Variants in DPH1 observed in about 807,000 individuals in gnomAD.
DPH1 encodes diphthamide biosynthesis 1.
Under a neutral mutation model 55.3 loss-of-function variants are expected in DPH1, and 59 were observed. That is an observed-to-expected ratio of 1.07 (90% CI 0.87 to 1.33). The LOEUF is 1.33. Among genes scored for constraint, DPH1 ranks in the 40% most tolerant of loss-of-function variants. The pLI is 0.00. For missense variants in DPH1, 628 were observed against 584.8 expected (o/e 1.07, Z -0.76); for synonymous variants, 238 against 235.5 (o/e 1.01, Z -0.10).
Position 2,041,088 on chromosome 17 carries a change from G to A in DPH1, c.1008-15G>A. 6 of 1,591,894 alleles carry A rather than the reference G, an allele frequency of 3.8e-6. No homozygotes were observed. Among genetic ancestry groups the A allele is most frequent in the East Asian group, 2.3e-5 (1 of 44,268 alleles). On this transcript the variant is annotated splice_polypyrimidine_tract_variant and intron_variant, in intron 9 of 12. Coordinates refer to ENST00000263083, the MANE Select transcript of DPH1 (RefSeq NM_001383.6). ...GGAGGCCCTTCCTAGGGTCTGACCTGGCTTCCCTTCCCAGGTGGGTGCAGG... is the reference window on the plus strand; with the variant it reads ...GGAGGCCCTTCCTAGGGTCTGACCTAGCTTCCCTTCCCAGGTGGGTGCAGG...
At position 2,042,673 on chromosome 17, in the gene DPH1, G is replaced by T. The variant is rs886225077; in HGVS notation, c.*87G>T. On this transcript the variant is annotated 3_prime_UTR_variant, in exon 13 of 13. Transcript: ENST00000263083. ...AGAGCAGGAGGCCGACGTTTTCTCC[G>T]CATTGGAAGAGCCCGCCGTCTGCAG... is the stretch of plus-strand genomic sequence containing the variant. The T allele has an allele frequency of 2.0e-6, 3 of 1,525,086 alleles. No homozygotes were observed. Among genetic ancestry groups the T allele is most frequent in the East Asian group, 2.3e-5 (1 of 44,202 alleles). The allele number at this position is 1,525,086 out of a possible 1,614,324, so 94.5% of individuals were successfully genotyped here.
intron 3 of DPH1, among the ~76,000 whole-genome samples, chr17:2,035,248 C>T (rs549340769): frequency 6.6e-6 from 1 of 152,242 alleles, no homozygotes; most frequent in Non-Finnish European, 1.5e-5. Context: ...CCACCCACCC[C>T]CTCCCCCAGT....
rs750527538 is a variant in DPH1, at chr17:2,043,116, ATG to A, written c.*532_*533del. On this transcript the variant is annotated 3_prime_UTR_variant, in exon 13 of 13. Transcript: ENST00000263083. ...AGTTTGCAGAGTGAAAGATCAAGAA[ATG>A]TCTCTGCTCCTACATCCAGCTCCTC... The A allele has an allele frequency of 6.2e-7, 1 of 1,610,476 alleles. No individual in the cohort carries two copies. Among genetic ancestry groups the A allele is most frequent in the Non-Finnish European group, 8.5e-7 (1 of 1,178,282 alleles).
chr17:2,037,127 C>A, intron 6 of DPH1, 171 bp downstream of exon 6: 3 of 971,014 alleles, frequency 3.1e-6, no homozygotes, highest in Non-Finnish European at 4.4e-6. Flanking sequence ...GGTTTACTGT[C>A]GCTTTCTCCA....
intron 11 of DPH1, 58 bp downstream of exon 11, chr17:2,041,679 T>A (rs774520364): frequency 1.8e-5 from 28 of 1,578,250 alleles, no homozygotes; most frequent in African/African-American, 2.7e-5. Context: ...GCCGCCGCCC[T>A]GCGACCGCGA....
rs1358345789 is a variant in DPH1, at chr17:2,043,572, C to G, written c.*986C>G. ...TCGGACAGGCTGCTGCATGGGTGCA[C>G]ATACTCACGTTATTGGTGGAAGTTT... On this transcript the variant is annotated 3_prime_UTR_variant, in exon 13 of 13. Coordinates refer to ENST00000263083, the MANE Select transcript of DPH1 (RefSeq NM_001383.6). The G allele has an allele frequency of 1.3e-5, 2 of 158,956 alleles. No homozygotes were observed. The highest frequency in any genetic ancestry group is 2.8e-5 in the Non-Finnish European group (2 of 72,258). The allele number at this position is 158,956 out of a possible 1,614,324, so 9.8% of individuals were successfully genotyped here.
chr17:2,037,942 G>A (rs936187972), intron 6 of DPH1, among the ~76,000 whole-genome samples: 2 of 152,174 alleles, frequency 1.3e-5, no homozygotes, highest in African/African-American at 4.8e-5. Flanking sequence ...AGGATTAGGA[G>A]ATAGGACTGC....
chr17:2,034,032 C>G (rs2067368547), intron 3 of DPH1, among the ~76,000 whole-genome samples, 190 bp downstream of exon 3: 1 of 152,122 alleles, frequency 6.6e-6, no homozygotes, highest in Non-Finnish European at 1.5e-5. Context: ...TGCTGAGAGC[C>G]CTGCTTGTCC....
chr17:2,043,084 T>C lies in DPH1; in HGVS notation c.*498T>C. On this transcript the variant is annotated 3_prime_UTR_variant, in exon 13 of 13. Transcript: ENST00000263083. The stretch of plus-strand genomic sequence containing the variant: ...CCAGCGTCAGGCCTACCTCAAGTTC[T>C]TGGACCAGTTTGCAGAGTGAAAGAT... 6.2e-7 allele frequency: 1 copy of C among 1,613,726 alleles called. No homozygotes were observed. Among genetic ancestry groups the C allele is most frequent in the Non-Finnish European group, 8.5e-7 (1 of 1,179,950 alleles).
chr17:2,043,148 G>A lies in DPH1; in HGVS notation c.*562G>A, dbSNP rs996338845. On this transcript the variant is annotated 3_prime_UTR_variant, in exon 13 of 13. Transcript: ENST00000263083. ...TGCTCCTACATCCAGCTCCTCTAGG[G>A]GCAGCCTCCGTCATCCATGCCCTCC... is the stretch of plus-strand genomic sequence containing the variant. 5.7e-6 allele frequency: 9 copies of A among 1,584,252 alleles called. No homozygotes were observed. Among genetic ancestry groups the A allele is most frequent in the Non-Finnish European group, 7.7e-6 (9 of 1,165,254 alleles).
intron 1 of DPH1, among the ~76,000 whole-genome samples, chr17:2,032,173 A>G (rs1196340019): frequency 6.6e-6 from 1 of 152,196 alleles, no homozygotes; most frequent in African/African-American, 2.4e-5. Context: ...TATAGACCTC[A>G]TATCTAGAAG....
intron 6 of DPH1, among the ~76,000 whole-genome samples, chr17:2,037,517 C>T (rs1170696363): frequency 6.6e-6 from 1 of 152,138 alleles, no homozygotes; most frequent in East Asian, 1.9e-4. Context: ...ACACCCCTGT[C>T]CCTAGACAGG....
Position 2,039,686 on chromosome 17 carries a change from G to A in DPH1, c.681-69G>A. ...GCCACCGCGCCCGGCCAGCCCTGTG[G>A]ACTTCTAAGCCAGCGAGTGCCTCTT... On this transcript the variant is annotated intron_variant, in intron 6 of 12. Transcript: ENST00000263083. The A allele has an allele frequency of 3.7e-6, 6 of 1,604,976 alleles. No homozygotes were observed. The Admixed American group carries it at 1.0e-4, about 27-fold the overall frequency.
At chr17:2,031,810 A>C (rs927282649) in intron 1 of DPH1, among the ~76,000 whole-genome samples, 3 of 152,148 alleles carry the variant, frequency 2.0e-5, no homozygotes, top group African/African-American at 7.2e-5. Context: ...GGATGAGACC[A>C]GAGTAAGAGT....
rs750726709 is a variant in DPH1 at position 2,040,523 on chromosome 17, C to A, written c.925C>A (p.Arg309=). 9.3e-6 allele frequency: 15 copies of A among 1,614,178 alleles called. No homozygotes were observed. The South Asian group carries it at 1.6e-4, about 18-fold the overall frequency. Residue 309 remains arginine (R), a synonymous_variant, in exon 9 of 13, where the codon CGA becomes AGA. Coordinates refer to ENST00000263083, the MANE Select transcript of DPH1 (RefSeq NM_001383.6). ...CCAACAGCACCTGGAATCTCGACTC[C>A]GAGCCTTGGGCCTTTCCTTTGTGAG... ...KILEHLESRL[R]ALGLSFVRLL... is the part of the protein sequence containing the mutation.
At chr17:2,037,032 C>T in intron 6 of DPH1, 76 bp downstream of exon 6, 1 of 1,541,784 alleles carries the variant, frequency 6.5e-7, no homozygotes. Flanking sequence ...GTTCATCATC[C>T]AGGAAAGAAA....
chr17:2,040,108 C>T, intron 7 of DPH1, 110 bp from the exon 8 acceptor site: 2 of 1,445,794 alleles, frequency 1.4e-6, no homozygotes, highest in East Asian at 2.3e-5. Flanking sequence ...TCTTAATTAC[C>T]TGCGTGGGGC....
intron 10 of DPH1, 81 bp downstream of exon 10, chr17:2,041,262 C>A: frequency 1.3e-6 from 2 of 1,517,880 alleles, no homozygotes. Flanking sequence ...GGTGGGTGGG[C>A]AGCACTTCGT....
At position 2,041,108 on chromosome 17, in the gene DPH1, T is replaced by C; in HGVS notation, c.1013T>C (p.Val338Ala). Reference sequence around the variant, plus strand: ...GACCTGGCTTCCCTTCCCAGGTGGGTGCAGGTGGCATGTCCACGTCTCTCC... The same window carrying C: ...GACCTGGCTTCCCTTCCCAGGTGGGCGCAGGTGGCATGTCCACGTCTCTCC... ...LSLLPEVDVW[V>A]QVACPRLSID... The change falls in exon 10 of 13, where the codon GTG (valine) becomes GCG (alanine). Residue 338 changes from valine to alanine, a missense_variant. Transcript: ENST00000263083. 5.6e-6 allele frequency: 9 copies of C among 1,600,164 alleles called. No homozygotes were observed. Among genetic ancestry groups the C allele is most frequent in the Non-Finnish European group, 7.7e-6 (9 of 1,173,148 alleles).
Sources: allele counts gnomAD v4.1 joint callset (sites outside exome capture counted in the v4.1 genomes callset), GRCh38; gene constraint gnomAD v4.1.1; transcripts MANE v1.5; gene names NCBI Gene and HGNC (gene_info 2026-07-23, HGNC 2026-07-21).